The following FAT3 variants were observed in gnomAD, a reference collection of about 807,000 sequenced individuals.
FAT3 encodes the protein FAT atypical cadherin 3, also known as protocadherin Fat 3.
Under a neutral mutation model 310.2 loss-of-function variants are expected in FAT3, and 95 were observed. That is an observed-to-expected ratio of 0.31 (90% confidence interval 0.26 to 0.36). The LOEUF (loss-of-function observed/expected upper bound fraction) is 0.36, where lower values mean the gene tolerates loss of function less well. FAT3 is among the 10% of genes least tolerant of loss of function. The pLI, the probability that FAT3 is intolerant of heterozygous loss-of-function variation, is 1.00. For missense variants in FAT3, 5,408 were observed against 5,715.6 expected, an observed-to-expected ratio of 0.95 and a Z score of 1.74; for synonymous variants, 2,314 against 2,192.9, an observed-to-expected ratio of 1.06 and a Z score of -1.54.
chr11:92,790,266 C>G (rs1172585406), intron 8 of FAT3, 48 bp downstream of exon 8: 1 of 1,589,230 alleles, frequency 6.3e-7, no homozygotes, highest in African/African-American at 1.3e-5. Context: ...ACTGACTGTT[C>G]AGGCCACACA....
chr11:92,293,764 G>A (rs115766025), intron 1 of FAT3, among the ~76,000 whole-genome samples: 198 of 151,746 alleles, frequency 1.3e-3, no homozygotes, highest in African/African-American at 4.7e-3. Context: ...TATGTTGATA[G>A]TAATAATACA....
intron 2 of FAT3, among the ~76,000 whole-genome samples, chr11:92,431,683 T>C (rs1057025195): frequency 2.0e-4 from 31 of 152,342 alleles, no homozygotes; most frequent in South Asian, 4.1e-4. Flanking sequence ...TGAATTAATT[T>C]TTGTATAAGG....
chr11:92,346,368 A>C (rs890746769), intron 1 of FAT3, among the ~76,000 whole-genome samples: 2 of 152,160 alleles, frequency 1.3e-5, no homozygotes, highest in Non-Finnish European at 2.9e-5. Context: ...TTGGAGTTTG[A>C]AAGTGCACAC....
chr11:92,580,144 G>A (rs898692081), intron 3 of FAT3, among the ~76,000 whole-genome samples: 1 of 151,992 alleles, frequency 6.6e-6, no homozygotes, highest in Non-Finnish European at 1.5e-5. Context: ...TTTTGTTGGT[G>A]TTAAGGAAAA....
chr11:92,319,690 T>G (rs751679577), intron 1 of FAT3, among the ~76,000 whole-genome samples: 41 of 152,166 alleles, frequency 2.7e-4, no homozygotes, highest in Non-Finnish European at 5.1e-4. Flanking sequence ...CTAAAAGTAA[T>G]TTTTTCTTAT....
At chr11:92,512,579 A>C (rs1443544514) in intron 2 of FAT3, among the ~76,000 whole-genome samples, 1 of 147,168 alleles carries the variant, frequency 6.8e-6, no homozygotes, top group African/African-American at 2.5e-5. Flanking sequence ...TATATTTTAA[A>C]TTTTTATATA....
chr11:92,226,702 C>CGTG lies in FAT3; in HGVS notation c.-18+1530_-18+1532dup, dbSNP rs560431271. ...AGGGAGTGGCGCCTGCGGCCCGGAG[C>CGTG]GTGGGCGGCCGGTGGCTCTGGCACG... On this transcript the variant is annotated intron_variant, in intron 1 of 27. Transcript: ENST00000525166. Among the ~76,000 whole-genome samples the CGTG allele has an allele frequency of 1.3e-4, 20 of 151,904 alleles. No individual in the cohort carries two copies. The South Asian group carries it at 4.2e-3, about 32-fold the overall frequency.
At chr11:92,556,989 A>G (rs893276554) in intron 3 of FAT3, among the ~76,000 whole-genome samples, 12 of 152,088 alleles carry the variant, frequency 7.9e-5, no homozygotes, top group African/African-American at 2.9e-4. Context: ...TGTTGAATTC[A>G]TATCAACTCA....
intron 21 of FAT3, among the ~76,000 whole-genome samples, chr11:92,865,822 G>A (rs949813590): frequency 3.3e-5 from 5 of 152,242 alleles, no homozygotes; most frequent in African/African-American, 1.2e-4. Context: ...CATAGCACAT[G>A]CTTTCTTCCT....
intron 2 of FAT3, among the ~76,000 whole-genome samples, chr11:92,466,495 C>G (rs892130542): frequency 5.3e-5 from 8 of 152,014 alleles, no homozygotes; most frequent in Non-Finnish European, 8.8e-5. Context: ...CTCAGCATCC[C>G]CATTGTCTCT....
chr11:92,583,691 C>T (rs974775064), intron 3 of FAT3, among the ~76,000 whole-genome samples: 7 of 151,992 alleles, frequency 4.6e-5, no homozygotes, highest in African/African-American at 1.7e-4. Context: ...TACCCTTCAA[C>T]CGCAGGACAC....
chr11:92,580,504 C>T (rs1375931914), intron 3 of FAT3, among the ~76,000 whole-genome samples: 1 of 152,034 alleles, frequency 6.6e-6, no homozygotes, highest in Non-Finnish European at 1.5e-5. Context: ...TTGCTAGTGC[C>T]CTCTTGTTGT....
intron 13 of FAT3, among the ~76,000 whole-genome samples, chr11:92,822,876 A>C (rs953854409): frequency 2.0e-5 from 3 of 152,150 alleles, no homozygotes; most frequent in Non-Finnish European, 4.4e-5. Context: ...TATACCTTGC[A>C]ATTTCAGCAT....
At chr11:92,714,875 A>G (rs1944628715) in intron 4 of FAT3, among the ~76,000 whole-genome samples, 1 of 152,154 alleles carries the variant, frequency 6.6e-6, no homozygotes, top group Admixed American at 6.5e-5. Context: ...TGATCCATGA[A>G]GGGAAATACC....
intron 2 of FAT3, among the ~76,000 whole-genome samples, chr11:92,474,458 T>TTA (rs1303215338): frequency 6.6e-6 from 1 of 152,130 alleles, no homozygotes; most frequent in African/African-American, 2.4e-5. Flanking sequence ...AGACTCTACC[T>TTA]TAACTGGTTG....
intron 13 of FAT3, among the ~76,000 whole-genome samples, chr11:92,824,922 A>G (rs1948065306): frequency 6.6e-6 from 1 of 152,196 alleles, no homozygotes; most frequent in South Asian, 2.1e-4. Flanking sequence ...TATATACATC[A>G]TATGACCGTG....
At chr11:92,381,875 A>G (rs150872367) in intron 2 of FAT3, among the ~76,000 whole-genome samples, 3 of 152,312 alleles carry the variant, frequency 2.0e-5, no homozygotes, top group African/African-American at 7.2e-5. Flanking sequence ...ACCAGGTGTT[A>G]AAAAGAAAAT....
At chr11:92,813,836 T>C (rs1006899670) in intron 13 of FAT3, among the ~76,000 whole-genome samples, 6 of 152,206 alleles carry the variant, frequency 3.9e-5, no homozygotes, top group African/African-American at 1.4e-4. Context: ...GCACATTGCT[T>C]TACCAGAAGT....
chr11:92,259,090 A>G (rs1187831714), intron 1 of FAT3, among the ~76,000 whole-genome samples: 2 of 152,026 alleles, frequency 1.3e-5, no homozygotes, highest in Admixed American at 1.3e-4. Context: ...CTGATCTGAC[A>G]CTTCCTTAGC....
Sources: gnomAD v4.1 joint callset for allele counts (sites outside exome capture counted in the v4.1 genomes callset) on GRCh38, gnomAD v4.1.1 for gene constraint, MANE v1.5 for transcripts, NCBI Gene and HGNC (gene_info 2026-07-23, HGNC 2026-07-21) for gene names.